The following SLC38A6 variants were observed in gnomAD, a reference collection of about 807,000 sequenced individuals.
The protein encoded by SLC38A6 is N system amino acid transporter NAT-1.
Under a neutral mutation model 65.0 loss-of-function variants are expected in SLC38A6, and 73 were observed. The ratio of observed to expected loss-of-function variants is 1.12; its 90% confidence interval spans 0.93 to 1.37. SLC38A6 has a LOEUF of 1.37. Among genes scored for constraint, SLC38A6 ranks in the 40% most tolerant of loss-of-function variants. The probability of loss-of-function intolerance (pLI) is 0.00; values close to 1 mark genes in which losing one functional copy is unlikely to be tolerated. For missense variants in SLC38A6, 561 were observed against 531.1 expected (o/e 1.06, Z -0.55); for synonymous variants, 183 against 178.8 (o/e 1.02, Z -0.19).
chr14:61,014,879 C>T (rs1177048420), intron 3 of SLC38A6, among the ~76,000 whole-genome samples: 6 of 152,136 alleles, frequency 3.9e-5, no homozygotes, highest in Non-Finnish European at 8.8e-5. Context: ...TCTCCAGCTG[C>T]GTGCTGGGAG....
chr14:61,043,014 G>C (rs574245848), intron 8 of SLC38A6, 133 bp from the exon 9 acceptor site: 1 of 577,742 alleles, frequency 1.7e-6, no homozygotes, highest in Non-Finnish European at 3.0e-6. Flanking sequence ...CATTCTAACC[G>C]GGAAAAGTCA....
At chr14:61,008,092 C>T (rs2039284057) in intron 3 of SLC38A6, among the ~76,000 whole-genome samples, 1 of 152,082 alleles carries the variant, frequency 6.6e-6, no homozygotes, top group Non-Finnish European at 1.5e-5. Flanking sequence ...ATTATTAAAG[C>T]ATAAAGTTTG....
chr14:61,025,909 C>A (rs2040585714), intron 5 of SLC38A6, among the ~76,000 whole-genome samples: 1 of 152,268 alleles, frequency 6.6e-6, no homozygotes, highest in South Asian at 2.1e-4. Flanking sequence ...AAAATTGAAT[C>A]TCTCTGAGAC....
intron 3 of SLC38A6, among the ~76,000 whole-genome samples, chr14:60,992,305 G>GCTCAAATGTGCTC (rs2037959653): frequency 6.6e-6 from 1 of 152,058 alleles, no homozygotes; most frequent in Non-Finnish European, 1.5e-5. Context: ...ATCTTTAATG[G>GCTCAAATGTGCTC]CTCAAATGTG....
exon 16 of SLC38A6, chr14:61,078,811 G>T: frequency 4.9e-6 from 1 of 202,912 alleles, no homozygotes; most frequent in Non-Finnish European, 9.6e-6. Flanking sequence ...TTGAGACAGG[G>T]TCTCATTCTG....
chr14:61,045,929 C>T (rs1208561576), intron 11 of SLC38A6, 138 bp from the exon 12 acceptor site: 11 of 542,570 alleles, frequency 2.0e-5, no homozygotes, highest in East Asian at 9.1e-5. Context: ...GTACTAATTT[C>T]GAATGAGGAC....
intron 1 of SLC38A6, 35 bp from the exon 2 acceptor site, chr14:60,982,473 A>G (rs1255005306): frequency 1.3e-6 from 2 of 1,587,082 alleles, no homozygotes; most frequent in Admixed American, 1.9e-5. Flanking sequence ...TTCACCGTCC[A>G]AACATTTAAC....
At chr14:61,006,812 C>T (rs1270548349) in intron 3 of SLC38A6, among the ~76,000 whole-genome samples, 1 of 152,094 alleles carries the variant, frequency 6.6e-6, no homozygotes. Context: ...ACCCAGCCAT[C>T]CCATTACTGG....
intron 9 of SLC38A6, 97 bp downstream of exon 9, chr14:61,043,309 T>A (rs1594718871): frequency 1.9e-6 from 2 of 1,036,384 alleles, no homozygotes; most frequent in East Asian, 5.0e-5. Flanking sequence ...GAAAAAGTAA[T>A]GGCTATATTG....
intron 15 of SLC38A6, among the ~76,000 whole-genome samples, chr14:61,074,971 T>C (rs2043351744): frequency 6.6e-6 from 1 of 152,096 alleles, no homozygotes; most frequent in Non-Finnish European, 1.5e-5. Context: ...TTAAAGAGGG[T>C]CATTTTATGT....
intron 4 of SLC38A6, among the ~76,000 whole-genome samples, chr14:61,018,364 C>G (rs753588596): frequency 5.3e-4 from 80 of 152,168 alleles, no homozygotes; most frequent in Non-Finnish European, 9.7e-4. Context: ...GGAGAGCGTT[C>G]AAGTGGCAAT....
Position 61,050,575 on chromosome 14 carries a change from TGA to T in SLC38A6, c.990_991del (p.Met330IlefsTer60), listed in dbSNP as rs1386821553. On this transcript the variant is annotated frameshift_variant, in exon 13 of 16. Coordinates refer to ENST00000267488, the MANE Select transcript of SLC38A6 (RefSeq NM_153811.3). LOFTEE classifies it high-confidence loss of function. ...TACTTATCACATGATGTTGTTGTCA[TGA>T]CTGTGAAGTTATGCATACTATTTGC... 6.9e-6 allele frequency: 11 copies of T among 1,598,962 alleles called. No individual in the cohort carries two copies. Among genetic ancestry groups the T allele is most frequent in the Non-Finnish European group, 8.5e-6 (10 of 1,169,836 alleles).
intron 4 of SLC38A6, among the ~76,000 whole-genome samples, chr14:61,016,661 A>G (rs777132606): frequency 2.0e-5 from 3 of 152,184 alleles, no homozygotes; most frequent in Non-Finnish European, 4.4e-5. Context: ...TTAGTGCTAT[A>G]GTATATATAT....
At chr14:61,052,646 T>C (rs2139873475), downstream of SLC38A6, 1 of 438,548 alleles carries the variant, frequency 2.3e-6, no homozygotes, top group Non-Finnish European at 3.5e-6. Context: ...TGGGTTGATC[T>C]TTTGTTTTTT....
intron 3 of SLC38A6, among the ~76,000 whole-genome samples, chr14:61,012,949 C>A (rs1352819941): frequency 6.6e-6 from 1 of 152,156 alleles, no homozygotes; most frequent in Non-Finnish European, 1.5e-5. Context: ...TGTTAACTTT[C>A]TGTCTCGTGG....
At chr14:61,067,704 C>T (rs749196952) in intron 15 of SLC38A6, among the ~76,000 whole-genome samples, 1 of 151,688 alleles carries the variant, frequency 6.6e-6, no homozygotes, top group Non-Finnish European at 1.5e-5. Flanking sequence ...TATACATGCA[C>T]ACACACACAC....
At chr14:60,996,711 A>G (rs2038318488) in intron 3 of SLC38A6, among the ~76,000 whole-genome samples, 1 of 152,180 alleles carries the variant, frequency 6.6e-6, no homozygotes. Flanking sequence ...AGTTATATAG[A>G]TAATATTCTA....
intron 2 of SLC38A6, among the ~76,000 whole-genome samples, chr14:60,983,895 T>C (rs2037262530): frequency 6.6e-6 from 1 of 152,212 alleles, no homozygotes; most frequent in South Asian, 2.1e-4. Flanking sequence ...TCATTTTTGG[T>C]GATGCTAAAG....
chr14:61,020,690 C>T (rs567451245), intron 5 of SLC38A6, among the ~76,000 whole-genome samples: 124 of 152,190 alleles, frequency 8.1e-4, no homozygotes, highest in African/African-American at 2.7e-3. Context: ...AGTAGAAAGT[C>T]AAGAAAACCA....
Sources: gnomAD v4.1 joint callset for allele counts (sites outside exome capture counted in the v4.1 genomes callset) on GRCh38, gnomAD v4.1.1 for gene constraint, MANE v1.5 for transcripts, NCBI Gene and HGNC (gene_info 2026-07-23, HGNC 2026-07-21) for gene names.